The following TSKU variants were observed in gnomAD, a reference collection of about 807,000 sequenced individuals.
TSKU encodes the protein tsukushi, small leucine rich proteoglycan, also known as tsukushi.
TSKU carries 4 observed loss-of-function variants against 11.2 expected under a neutral mutation model. The ratio of observed to expected loss-of-function variants is 0.36; its 90% CI spans 0.18 to 0.82. The LOEUF (loss-of-function observed/expected upper bound fraction) is 0.82. Ranked by LOEUF, TSKU falls within the 40% of genes least tolerant of loss-of-function variation. TSKU has a pLI of 0.50. For missense variants in TSKU, 407 were observed against 482.5 expected, an observed-to-expected ratio of 0.84 and a Z score of 1.47; for synonymous variants, 220 against 232.2, an observed-to-expected ratio of 0.95 and a Z score of 0.48.
chr11:76,791,612 G>A (rs1346256948), intron 1 of TSKU: 1 of 152,262 alleles, frequency 6.6e-6, no homozygotes, highest in East Asian at 1.9e-4. Flanking sequence ...GCAGGTTCCA[G>A]AACCACCATC....
intron 1 of TSKU, among the ~76,000 whole-genome samples, chr11:76,786,443 A>G (rs1477358072): frequency 6.6e-6 from 1 of 152,184 alleles, no homozygotes; most frequent in East Asian, 1.9e-4. Context: ...ATCAGAGGGA[A>G]CAACGTGTGC....
chr11:76,790,182 G>A (rs1475382845), intron 1 of TSKU, among the ~76,000 whole-genome samples: 1 of 152,170 alleles, frequency 6.6e-6, no homozygotes, highest in Admixed American at 6.5e-5. Flanking sequence ...TGGAGAAACT[G>A]AGGCACAGAA....
chr11:76,784,545 G>T (rs954835203), intron 1 of TSKU, among the ~76,000 whole-genome samples: 2 of 152,246 alleles, frequency 1.3e-5, no homozygotes, highest in Non-Finnish European at 2.9e-5. Context: ...GGTCACTCTG[G>T]CACGGACAGG....
At position 76,796,649 on chromosome 11, in the gene TSKU, T is replaced by C. The variant is rs950600348; in HGVS notation, c.1033T>C (p.Ser345Pro). ...VALHCVDTRD[S>P]AARGPTIL ...CCTGCACTGCGTAGACACCCGGGAT[T>C]CTGCTGCCAGGGGCCCCACCATCTT... The change falls in exon 2 of 2, where the codon TCT becomes CCT. Residue 345 changes from serine to proline, a missense_variant. Physicochemically the swap from Ser to Pro is moderately conservative, Grantham distance 74. Coordinates refer to ENST00000333090, the MANE Select transcript of TSKU (RefSeq NM_015516.4). The surrounding 1 kb of genome is among the most constrained non-coding windows in gnomAD (Gnocchi z 4.1). 7.6e-6 allele frequency: 11 copies of C among 1,450,164 alleles called. No individual in the cohort carries two copies. In the Admixed American group the frequency reaches 8.6e-5, roughly 11 times the overall value. The allele number at this position is 1,450,164 out of a possible 1,614,324, so 89.8% of individuals were successfully genotyped here.
At position 76,797,454 on chromosome 11, in the gene TSKU, G is replaced by A. The variant is rs1944469274; in HGVS notation, c.*776G>A. On this transcript the variant is annotated 3_prime_UTR_variant, in exon 2 of 2. Transcript: ENST00000333090. ...GGACAGGCAAGAGCCTCACAAGTGGGACTCTGGGCCTCTGACCAGCTGTGC... is the reference window on the plus strand; with the variant it reads ...GGACAGGCAAGAGCCTCACAAGTGGAACTCTGGGCCTCTGACCAGCTGTGC... 6.0e-6 allele frequency: 1 copy of A among 167,198 alleles called. No homozygotes were observed. Among genetic ancestry groups the A allele is most frequent in the South Asian group, 2.1e-4 (1 of 4,834 alleles). The allele number at this position is 167,198 out of a possible 1,614,324, so 10.4% of individuals were successfully genotyped here.
rs1149621 is a variant in TSKU, at chr11:76,796,648, T to G, written c.1032T>G (p.Asp344Glu). 6 of 1,450,636 alleles carry G rather than the reference T, an allele frequency of 4.1e-6. No homozygotes were observed. Among genetic ancestry groups the G allele is most frequent in the Non-Finnish European group, 5.5e-6 (6 of 1,097,590 alleles). The allele number at this position is 1,450,636 out of a possible 1,614,324, so 89.9% of individuals were successfully genotyped here. ...CCCTGCACTGCGTAGACACCCGGGA[T>G]TCTGCTGCCAGGGGCCCCACCATCT... ...KVALHCVDTR[D>E]SAARGPTIL is the part of the protein sequence containing the mutation. The change falls in exon 2 of 2, where the codon GAT becomes GAG. Residue 344 changes from aspartate to glutamate, a missense_variant. Physicochemically the swap from Asp to Glu is conservative, Grantham distance 45. Transcript: ENST00000333090. The surrounding 1 kb of genome is among the most constrained non-coding windows in gnomAD (Gnocchi z 4.1).
At chr11:76,785,702 T>C (rs531506687) in intron 1 of TSKU, among the ~76,000 whole-genome samples, 2 of 152,240 alleles carry the variant, frequency 1.3e-5, no homozygotes, top group Admixed American at 6.5e-5. Flanking sequence ...TTTGAGCCTG[T>C]AGGCAATGGA....
chr11:76,790,346 G>A (rs1202463060), intron 1 of TSKU, among the ~76,000 whole-genome samples: 2 of 152,170 alleles, frequency 1.3e-5, no homozygotes, highest in Admixed American at 1.3e-4. Context: ...TGTGGGGAGG[G>A]AAGTAGTCGG....
At chr11:76,793,513 T>C (rs1056165639) in intron 1 of TSKU, among the ~76,000 whole-genome samples, 6 of 152,186 alleles carry the variant, frequency 3.9e-5, no homozygotes, top group Admixed American at 3.9e-4. Context: ...CCTTGTATAA[T>C]CACCTCTGGG....
In TSKU at chr11:76,797,359, C is replaced by T. The variant is rs1944467843; in HGVS notation, c.*681C>T. On this transcript the variant is annotated 3_prime_UTR_variant, in exon 2 of 2. Coordinates refer to ENST00000333090, the MANE Select transcript of TSKU (RefSeq NM_015516.4). ...ACTTTCTTGTCTCCTCTAATAAGCCCCACCCTCCCCGCCTGGGCTCCCCTT... is the reference window on the plus strand; with the variant it reads ...ACTTTCTTGTCTCCTCTAATAAGCCTCACCCTCCCCGCCTGGGCTCCCCTT... 1 of 167,186 alleles carries T rather than the reference C, an allele frequency of 6.0e-6. No homozygotes were observed. The highest frequency in any genetic ancestry group is 1.5e-5 in the Non-Finnish European group (1 of 68,200). The allele number at this position is 167,186 out of a possible 1,614,324, so 10.4% of individuals were successfully genotyped here. A position where few individuals can be genotyped will look rare whatever the true frequency, so the allele number is the denominator to read the frequency against.
At chr11:76,787,509 C>G (rs937860980) in intron 1 of TSKU, among the ~76,000 whole-genome samples, 4 of 152,182 alleles carry the variant, frequency 2.6e-5, no homozygotes, top group Admixed American at 6.5e-5. Flanking sequence ...CTCTGGACTT[C>G]TTAACACAGC....
At chr11:76,794,267 A>G (rs533648228) in intron 1 of TSKU, among the ~76,000 whole-genome samples, 1 of 152,332 alleles carries the variant, frequency 6.6e-6, no homozygotes, top group South Asian at 2.1e-4. Flanking sequence ...GGACGTGAAC[A>G]CAGGCTTTGA....
In TSKU at chr11:76,796,995, A is replaced by C; in HGVS notation, c.*317A>C. 2 of 225,834 alleles carry C rather than the reference A, an allele frequency of 8.9e-6. No individual in the cohort carries two copies. Among genetic ancestry groups the C allele is most frequent in the Non-Finnish European group, 1.9e-5 (2 of 106,412 alleles). 14.0% of individuals were successfully genotyped at this position (225,834 alleles called of 1,614,324 possible). A position where few individuals can be genotyped will look rare whatever the true frequency, so the allele number is the denominator to read the frequency against. ...CTTCCCTCATGCCTGGGCCGGCCTGACCCGCAATGGGCAGAGGGTGGGTGG... is the reference window on the plus strand; with the variant it reads ...CTTCCCTCATGCCTGGGCCGGCCTGCCCCGCAATGGGCAGAGGGTGGGTGG... On this transcript the variant is annotated 3_prime_UTR_variant, in exon 2 of 2. Coordinates refer to ENST00000333090, the MANE Select transcript of TSKU (RefSeq NM_015516.4). The surrounding 1 kb of genome is among the most constrained non-coding windows in gnomAD (Gnocchi z 4.1).
At chr11:76,788,213 G>A (rs751214971) in intron 1 of TSKU, among the ~76,000 whole-genome samples, 2 of 151,936 alleles carry the variant, frequency 1.3e-5, no homozygotes, top group Non-Finnish European at 2.9e-5. Flanking sequence ...ACAGCTGATC[G>A]AGACAAAGGC....
At chr11:76,794,044 C>G (rs543735429) in intron 1 of TSKU, among the ~76,000 whole-genome samples, 2 of 152,196 alleles carry the variant, frequency 1.3e-5, no homozygotes, top group South Asian at 4.1e-4. Flanking sequence ...GAGGGATGGG[C>G]AGGAGGGCAG....
At chr11:76,783,070 G>C (rs1944254872), upstream of TSKU, 1 of 152,714 alleles carries the variant, frequency 6.5e-6, no homozygotes, top group African/African-American at 2.4e-5. Context: ...CGCAGGGGGA[G>C]GGGGCAGGGA....
At position 76,796,078 on chromosome 11, in the gene TSKU, C is replaced by A. The variant is rs748485520; in HGVS notation, c.462C>A (p.His154Gln). 6.2e-7 allele frequency: 1 copy of A among 1,613,958 alleles called. No individual in the cohort carries two copies. The highest frequency in any genetic ancestry group is 1.3e-5 in the African/African-American group (1 of 74,918). Residue 154 changes from histidine to glutamine, a missense_variant, in exon 2 of 2, where the codon CAC becomes CAA. Transcript: ENST00000333090. This position sits in a 1 kb window ranked among gnomAD's most constrained non-coding sequence, Gnocchi z 4.1. ...REVSVSAFTT[H>Q]SQGRALHVDL... is the part of the protein sequence containing the mutation. ...TCTCAGTGTCTGCCTTCACGACGCACAGTCAGGGCCGGGCACTACACGTGG... is the reference window on the plus strand; with the variant it reads ...TCTCAGTGTCTGCCTTCACGACGCAAAGTCAGGGCCGGGCACTACACGTGG...
chr11:76,784,928 G>C (rs1944296618), intron 1 of TSKU, among the ~76,000 whole-genome samples: 1 of 152,224 alleles, frequency 6.6e-6, no homozygotes, highest in Non-Finnish European at 1.5e-5. Flanking sequence ...ACAACTGTGG[G>C]CATTTTCCTT....
At chr11:76,793,509 A>G (rs1944401233) in intron 1 of TSKU, among the ~76,000 whole-genome samples, 2 of 152,172 alleles carry the variant, frequency 1.3e-5, no homozygotes, top group South Asian at 4.1e-4. Flanking sequence ...GACCCCTTGT[A>G]TAATCACCTC....
Sources: allele counts gnomAD v4.1 joint callset (sites outside exome capture counted in the v4.1 genomes callset), GRCh38; gene constraint gnomAD v4.1.1; non-coding constraint Gnocchi (gnomAD v3.1); transcripts MANE v1.5; gene names NCBI Gene and HGNC (gene_info 2026-07-23, HGNC 2026-07-21).